CNTN3: variants seen among roughly 807,000 people sequenced by gnomAD.
CNTN3 encodes contactin 3, also known as contactin-3.
CNTN3 carries 60 observed loss-of-function variants against 119.1 expected under a neutral mutation model. The ratio of observed to expected loss-of-function variants is 0.50; its 90% CI spans 0.41 to 0.62. The LOEUF (loss-of-function observed/expected upper bound fraction) is 0.62. CNTN3 is among the 20% of genes least tolerant of loss of function. The pLI is 0.00. For missense variants in CNTN3, 1,101 were observed against 1,242.4 expected (o/e 0.89, Z 1.71); for synonymous variants, 450 against 438.7 (o/e 1.03, Z -0.32).
chr3:74,589,042 A>C (rs1473538565), intron 1 of CNTN3, among the ~76,000 whole-genome samples: 5 of 151,466 alleles, frequency 3.3e-5, no homozygotes, highest in Non-Finnish European at 7.4e-5. Flanking sequence ...GGACATAGGC[A>C]TGGGCAAGGA....
intron 2 of CNTN3, among the ~76,000 whole-genome samples, chr3:74,504,391 T>A (rs1015668735): frequency 4.6e-5 from 7 of 152,140 alleles, no homozygotes; most frequent in Non-Finnish European, 1.0e-4. Context: ...AGTAAAATCA[T>A]ATGCCGCCAA....
At chr3:74,339,172 C>T (rs1703469917) in intron 11 of CNTN3, among the ~76,000 whole-genome samples, 1 of 152,046 alleles carries the variant, frequency 6.6e-6, no homozygotes, top group Non-Finnish European at 1.5e-5. Flanking sequence ...TTAGACATGT[C>T]AATCTGATCA....
intron 4 of CNTN3, among the ~76,000 whole-genome samples, chr3:74,440,504 CATAAAAT>C (rs1701945454): frequency 6.6e-6 from 1 of 151,838 alleles, no homozygotes; most frequent in Non-Finnish European, 1.5e-5. Context: ...AAAAGTCTCC[CATAAAAT>C]ATAACTGTGG....
At chr3:74,342,239 A>G (rs1459103293) in intron 11 of CNTN3, among the ~76,000 whole-genome samples, 28 of 152,180 alleles carry the variant, frequency 1.8e-4, no homozygotes, top group Non-Finnish European at 2.9e-5. Flanking sequence ...TCTCATTTAC[A>G]ACTGCTCTCA....
At chr3:74,449,956 C>T (rs907949618) in intron 4 of CNTN3, among the ~76,000 whole-genome samples, 1 of 152,038 alleles carries the variant, frequency 6.6e-6, no homozygotes, top group Non-Finnish European at 1.5e-5. Context: ...AAGTACATTT[C>T]TTATTTTTAT....
At chr3:74,529,981 T>C (rs897676307) in intron 1 of CNTN3, among the ~76,000 whole-genome samples, 1 of 151,894 alleles carries the variant, frequency 6.6e-6, no homozygotes, top group African/African-American at 2.4e-5. Context: ...GTTTCAACAC[T>C]GAGTTCTAAC....
intron 1 of CNTN3, among the ~76,000 whole-genome samples, chr3:74,580,583 C>T (rs1473828022): frequency 6.6e-6 from 1 of 152,116 alleles, no homozygotes. Flanking sequence ...TGGTTTAATA[C>T]TCAAAATACC....
intron 4 of CNTN3, among the ~76,000 whole-genome samples, chr3:74,477,362 A>G (rs764277265): frequency 6.6e-6 from 1 of 152,168 alleles, no homozygotes; most frequent in Non-Finnish European, 1.5e-5. Context: ...AGGGCAAAAT[A>G]AACACACTTT....
At chr3:74,284,475 C>T (rs1702071260) in intron 20 of CNTN3, among the ~76,000 whole-genome samples, 1 of 152,068 alleles carries the variant, frequency 6.6e-6, no homozygotes, top group South Asian at 2.1e-4. Flanking sequence ...TGGCACCTAC[C>T]TCTTGGGAGT....
intron 2 of CNTN3, among the ~76,000 whole-genome samples, chr3:74,501,836 C>G (rs1384933047): frequency 6.6e-6 from 1 of 150,968 alleles, no homozygotes; most frequent in South Asian, 2.1e-4. Context: ...AGAGCAACTT[C>G]CAGAAGAAAT....
Position 74,466,164 on chromosome 3 carries a change from C to T in CNTN3, c.358+20292G>A, listed in dbSNP as rs116388808. On this transcript the variant is annotated intron_variant, in intron 4 of 22. Coordinates refer to ENST00000263665, the MANE Select transcript of CNTN3 (RefSeq NM_020872.3). ...GAAGGAGAGAAACATGGAGAAAATA[C>T]GTGAGTTTAGTGGGAGGGCAAGTGA... 3.9e-5 allele frequency among the ~76,000 whole-genome samples: 6 copies of T among 151,994 alleles called. No homozygotes were observed. The South Asian group carries it at 1.2e-3, about 32-fold the overall frequency.
chr3:74,566,709 C>G (rs1216837603), intron 1 of CNTN3, among the ~76,000 whole-genome samples: 1 of 152,116 alleles, frequency 6.6e-6, no homozygotes, highest in East Asian at 1.9e-4. Flanking sequence ...TGCAAAGAGT[C>G]TATTTCCAAA....
chr3:74,522,872 C>T (rs564471568), intron 1 of CNTN3, among the ~76,000 whole-genome samples: 2 of 151,906 alleles, frequency 1.3e-5, no homozygotes, highest in South Asian at 2.1e-4. Context: ...GTAGGGCACA[C>T]GCAGTGTCTG....
At chr3:74,356,983 G>A (rs1393097451) in intron 11 of CNTN3, among the ~76,000 whole-genome samples, 1 of 152,018 alleles carries the variant, frequency 6.6e-6, no homozygotes, top group Non-Finnish European at 1.5e-5. Context: ...GAGTGCAGTG[G>A]CATGATCTCG....
chr3:74,550,938 A>G (rs1316047678), intron 1 of CNTN3, among the ~76,000 whole-genome samples: 2 of 152,200 alleles, frequency 1.3e-5, no homozygotes, highest in Admixed American at 1.3e-4. Flanking sequence ...GCCCTAAAGC[A>G]TGGTCTCTTC....
intron 22 of CNTN3, among the ~76,000 whole-genome samples, chr3:74,265,963 T>A (rs1289511173): frequency 7.2e-5 from 11 of 151,976 alleles, no homozygotes; most frequent in African/African-American, 2.4e-4. Context: ...GTAAAATAGG[T>A]TTTACTTGGA....
At chr3:74,277,810 AAAG>A (rs1302667381) in intron 20 of CNTN3, among the ~76,000 whole-genome samples, 3 of 152,270 alleles carry the variant, frequency 2.0e-5, no homozygotes, top group Admixed American at 6.5e-5. Context: ...CCAGATCAGT[AAAG>A]AAGAAGTCAA....
At chr3:74,298,413 C>T (rs181534189) in intron 17 of CNTN3, among the ~76,000 whole-genome samples, 81 of 152,234 alleles carry the variant, frequency 5.3e-4, no homozygotes, top group African/African-American at 1.9e-3. Context: ...AGATAATGAA[C>T]TGGAATTTTC....
At chr3:74,328,722 A>G (rs918658966) in intron 13 of CNTN3, among the ~76,000 whole-genome samples, 2 of 152,272 alleles carry the variant, frequency 1.3e-5, no homozygotes, top group East Asian at 3.9e-4. Flanking sequence ...AAATAACTAC[A>G]CATCAACAGT....
Sources: allele counts gnomAD v4.1 joint callset (sites outside exome capture counted in the v4.1 genomes callset), GRCh38; gene constraint gnomAD v4.1.1; transcripts MANE v1.5; gene names NCBI Gene and HGNC (gene_info 2026-07-23, HGNC 2026-07-21).